Variants in RYR2 observed in about 807,000 individuals in gnomAD.
The protein encoded by RYR2 is cardiac muscle ryanodine receptor-calcium release channel.
A neutral mutation model predicts 601.1 loss-of-function variants in RYR2; 227 were observed. The ratio of observed to expected loss-of-function variants is 0.38; its 90% CI spans 0.34 to 0.42. The LOEUF is 0.42. RYR2 is among the 10% of genes least tolerant of loss of function. The probability of loss-of-function intolerance (pLI) is 1.00; values close to 1 mark genes in which losing one functional copy is unlikely to be tolerated. For synonymous variants in RYR2, 2,223 were observed against 2,175.1 expected, an observed-to-expected ratio of 1.02 and a Z score of -0.61; for missense variants, 4,646 against 6,156.5, an observed-to-expected ratio of 0.75 and a Z score of 8.21.
intron 84 of RYR2, among the ~76,000 whole-genome samples, chr1:237,761,797 C>G (rs894341969): frequency 6.6e-6 from 1 of 151,906 alleles, no homozygotes; most frequent in East Asian, 1.9e-4. Flanking sequence ...CTCAGGGCCC[C>G]GTATGTTTAT....
intron 1 of RYR2, among the ~76,000 whole-genome samples, chr1:237,223,332 G>A (rs1684022928): frequency 6.6e-6 from 1 of 152,172 alleles, no homozygotes; most frequent in African/African-American, 2.4e-5. Flanking sequence ...TTTTACAAGA[G>A]CCTTAATTCC....
At chr1:237,397,847 G>A (rs1048635974) in intron 10 of RYR2, among the ~76,000 whole-genome samples, 12 of 151,194 alleles carry the variant, frequency 7.9e-5, no homozygotes, top group African/African-American at 2.4e-4. Flanking sequence ...TCAGCCTCCC[G>A]AGTAGCTGGG....
rs1404454391 is a variant in RYR2 at position 237,794,530 on chromosome 1, G to T, written c.13913+533G>T. Reference sequence around the variant, plus strand: ...CTATCCAATAAACATTTAGCCCTGTGAGATCAAGACCCAAACTACTAGCTG... The same window carrying T: ...CTATCCAATAAACATTTAGCCCTGTTAGATCAAGACCCAAACTACTAGCTG... On this transcript the variant is annotated intron_variant, in intron 95 of 104. Coordinates refer to ENST00000366574, the MANE Select transcript of RYR2 (RefSeq NM_001035.3). Among the ~76,000 whole-genome samples the T allele has an allele frequency of 2.6e-5, 4 of 152,286 alleles. No individual in the cohort carries two copies. The East Asian group carries it at 5.8e-4, about 22-fold the overall frequency.
Position 237,047,110 on chromosome 1 carries a change from T to C in RYR2, c.48+4541T>C, listed in dbSNP as rs550162792. On this transcript the variant is annotated intron_variant, in intron 1 of 104. Transcript: ENST00000366574. ...CAAATGACTTGGCCCAGTGTCACAC[T>C]CCAAGTTAGTGGCATTTAGTAATGG... 1.5e-4 allele frequency among the ~76,000 whole-genome samples: 23 copies of C among 152,292 alleles called. No individual in the cohort carries two copies. The South Asian group carries it at 4.6e-3, about 30-fold the overall frequency.
At chr1:237,678,404 A>G (rs1404572692) in intron 61 of RYR2, among the ~76,000 whole-genome samples, 1 of 152,158 alleles carries the variant, frequency 6.6e-6, no homozygotes, top group Non-Finnish European at 1.5e-5. Context: ...AAAAATATCT[A>G]TTTCTTAACA....
intron 97 of RYR2, among the ~76,000 whole-genome samples, chr1:237,799,865 T>C (rs913396182): frequency 6.6e-6 from 1 of 152,126 alleles, no homozygotes; most frequent in South Asian, 2.1e-4. Context: ...GTGTCTTCAT[T>C]TGCGTCCTCA....
chr1:237,138,810 T>G (rs1474510255), intron 1 of RYR2, among the ~76,000 whole-genome samples: 1 of 152,204 alleles, frequency 6.6e-6, no homozygotes, highest in East Asian at 1.9e-4. Flanking sequence ...TGTTCAACTT[T>G]GTTAGTTATT....
chr1:237,074,655 G>A (rs1664783423), intron 1 of RYR2, among the ~76,000 whole-genome samples: 1 of 152,192 alleles, frequency 6.6e-6, no homozygotes, highest in Non-Finnish European at 1.5e-5. Context: ...GTGTGTTCCA[G>A]TGCCACATCA....
intron 1 of RYR2, among the ~76,000 whole-genome samples, chr1:237,241,907 A>T (rs1686213459): frequency 1.3e-5 from 2 of 152,138 alleles, no homozygotes; most frequent in African/African-American, 2.4e-5. Flanking sequence ...TTTTGTCACC[A>T]TCTTGATTCT....
At chr1:237,474,839 C>A (rs1336419601) in intron 17 of RYR2, among the ~76,000 whole-genome samples, 2 of 152,278 alleles carry the variant, frequency 1.3e-5, no homozygotes, top group South Asian at 2.1e-4. Flanking sequence ...ATGGCAGGAG[C>A]CTGAGTGGTC....
chr1:237,213,919 T>TC (rs1319194243), intron 1 of RYR2, among the ~76,000 whole-genome samples: 2 of 136,348 alleles, frequency 1.5e-5, no homozygotes, highest in African/African-American at 5.5e-5. Context: ...CTTTTTCTTT[T>TC]TTTTTTTTTT....
At chr1:237,362,872 T>G (rs561023849) in intron 4 of RYR2, among the ~76,000 whole-genome samples, 1 of 152,324 alleles carries the variant, frequency 6.6e-6, no homozygotes, top group East Asian at 1.9e-4. Flanking sequence ...TCATTCTATT[T>G]TGTCGTGTAT....
chr1:237,424,398 G>A lies in RYR2; in HGVS notation c.1005+1150G>A, dbSNP rs113850354. ...CAGGGCTCATTGAAAAGAAAAAAACGTATTACTTTGTTTTTTCACTGCTAG... is the reference window on the plus strand; with the variant it reads ...CAGGGCTCATTGAAAAGAAAAAAACATATTACTTTGTTTTTTCACTGCTAG... On this transcript the variant is annotated intron_variant, in intron 12 of 104. Coordinates refer to ENST00000366574, the MANE Select transcript of RYR2 (RefSeq NM_001035.3). Among the ~76,000 whole-genome samples, 268 of 152,220 alleles carry A rather than the reference G, an allele frequency of 1.8e-3. 1 individual carries two copies. Among genetic ancestry groups the A allele is most frequent in the African/African-American group, 6.2e-3 (258 of 41,540 alleles).
intron 29 of RYR2, among the ~76,000 whole-genome samples, chr1:237,576,241 T>C (rs1673205632): frequency 6.6e-6 from 1 of 152,168 alleles, no homozygotes; most frequent in Non-Finnish European, 1.5e-5. Context: ...AACAAGTGTT[T>C]TTATGGAAGT....
intron 25 of RYR2, among the ~76,000 whole-genome samples, chr1:237,534,372 G>C (rs974150327): frequency 6.6e-6 from 1 of 151,990 alleles, no homozygotes; most frequent in African/African-American, 2.4e-5. Flanking sequence ...TGCAATCACA[G>C]TGATAGACCT....
chr1:237,637,116 G>T (rs1266003880), intron 44 of RYR2, among the ~76,000 whole-genome samples: 1 of 152,200 alleles, frequency 6.6e-6, no homozygotes, highest in Admixed American at 6.5e-5. Flanking sequence ...TGTTCTCACA[G>T]ATGTCTACAT....
chr1:237,612,376 A>G (rs924787233), intron 36 of RYR2, among the ~76,000 whole-genome samples: 8 of 152,324 alleles, frequency 5.3e-5, no homozygotes, highest in African/African-American at 1.7e-4. Context: ...CTCCATTAAT[A>G]TACATAAACT....
chr1:237,061,676 T>G (rs2148246065), intron 1 of RYR2, among the ~76,000 whole-genome samples: 1 of 152,358 alleles, frequency 6.6e-6, no homozygotes, highest in Middle Eastern at 3.4e-3. Flanking sequence ...TAGATACGTC[T>G]ATTGCAAATA....
chr1:237,677,366 C>G (rs1685491576), intron 60 of RYR2, among the ~76,000 whole-genome samples: 2 of 152,128 alleles, frequency 1.3e-5, no homozygotes, highest in African/African-American at 2.4e-5. Flanking sequence ...GAAAGGCCAC[C>G]TTCTAAGCTA....
Sources: allele counts gnomAD v4.1 joint callset (sites outside exome capture counted in the v4.1 genomes callset), GRCh38; gene constraint gnomAD v4.1.1; transcripts MANE v1.5; gene names NCBI Gene and HGNC (gene_info 2026-07-23, HGNC 2026-07-21).